Variants in AGBL4 observed in about 807,000 individuals in gnomAD.
AGBL4 encodes cytosolic carboxypeptidase 6.
Under a neutral mutation model 66.4 loss-of-function variants are expected in AGBL4, and 58 were observed. That is an observed-to-expected ratio of 0.87 (90% confidence interval 0.71 to 1.09). AGBL4 has a LOEUF of 1.09. AGBL4 is among the 50% of genes least tolerant of loss of function. The probability of loss-of-function intolerance (pLI) is 0.00; values close to 1 mark genes in which losing one functional copy is unlikely to be tolerated. For synonymous variants in AGBL4, 234 were observed against 222.9 expected, an observed-to-expected ratio of 1.05 and a Z score of -0.44; for missense variants, 579 against 631.0, an observed-to-expected ratio of 0.92 and a Z score of 0.88.
chr1:49,582,538 G>A (rs1287448170), intron 3 of AGBL4, among the ~76,000 whole-genome samples: 1 of 152,138 alleles, frequency 6.6e-6, no homozygotes, highest in Non-Finnish European at 1.5e-5. Flanking sequence ...AGTTCCTGGG[G>A]GTTGCCTGGT....
chr1:49,079,436 T>TGA (rs559170579), intron 4 of AGBL4, among the ~76,000 whole-genome samples: 41 of 152,120 alleles, frequency 2.7e-4, no homozygotes, highest in African/African-American at 9.4e-4. Flanking sequence ...TGGCAGCAGG[T>TGA]GAGAGAGAGA....
At chr1:49,355,945 C>A (rs551971144) in intron 3 of AGBL4, among the ~76,000 whole-genome samples, 7 of 152,140 alleles carry the variant, frequency 4.6e-5, no homozygotes, top group Non-Finnish European at 1.0e-4. Context: ...GAGAGACAAT[C>A]GTAGTGTGCA....
intron 11 of AGBL4, among the ~76,000 whole-genome samples, chr1:48,542,470 C>T (rs150828913): frequency 2.6e-5 from 4 of 152,164 alleles, no homozygotes; most frequent in African/African-American, 4.8e-5. Flanking sequence ...AGTATAAAAG[C>T]GTTCCTATTT....
chr1:48,557,065 C>A (rs1347983029), intron 11 of AGBL4, among the ~76,000 whole-genome samples: 1 of 152,156 alleles, frequency 6.6e-6, no homozygotes, highest in African/African-American at 2.4e-5. Context: ...GCTGGGATTA[C>A]AGGTGTTAGC....
intron 9 of AGBL4, among the ~76,000 whole-genome samples, chr1:48,625,882 C>T (rs1320757526): frequency 6.6e-6 from 1 of 151,898 alleles, no homozygotes; most frequent in African/African-American, 2.4e-5. Flanking sequence ...GTTAGAAAAA[C>T]CATGTCTTTT....
chr1:49,184,907 T>C (rs571747739), intron 4 of AGBL4, among the ~76,000 whole-genome samples: 47 of 152,188 alleles, frequency 3.1e-4, no homozygotes, highest in Non-Finnish European at 5.3e-4. Flanking sequence ...AAACATGGTG[T>C]TGGAGGCAAA....
Position 49,257,109 on chromosome 1 carries a change from C to CA in AGBL4, c.283-11246dup, listed in dbSNP as rs199515108. ...AAGATAGACATATTTGAGTATTTTA[C>CA]AAAAAAAAATACTATGCAAAACGAT... is the stretch of plus-strand genomic sequence containing the variant. On this transcript the variant is annotated intron_variant, in intron 3 of 13. Transcript: ENST00000371839. 5.2e-3 allele frequency among the ~76,000 whole-genome samples: 727 copies of CA among 140,198 alleles called. 27 individuals are homozygous for CA. In the East Asian group the frequency reaches 0.082, roughly 16 times the overall value. 92.0% of individuals were successfully genotyped at this position (140,198 alleles called of 152,430 possible).
At chr1:48,636,215 T>C (rs1054969135) in intron 8 of AGBL4, among the ~76,000 whole-genome samples, 2 of 152,132 alleles carry the variant, frequency 1.3e-5, no homozygotes, top group African/African-American at 2.4e-5. Context: ...TGGTCCTCAA[T>C]ATAGAAAGCA....
chr1:49,338,760 T>C (rs762082568), intron 3 of AGBL4, among the ~76,000 whole-genome samples: 3 of 152,024 alleles, frequency 2.0e-5, no homozygotes, highest in Admixed American at 6.6e-5. Context: ...GTCAGGTAAG[T>C]GTGTTCAGGA....
At chr1:48,601,949 TAAG>T (rs778146778) in intron 9 of AGBL4, among the ~76,000 whole-genome samples, 1 of 152,142 alleles carries the variant, frequency 6.6e-6, no homozygotes, top group African/African-American at 2.4e-5. Context: ...AGCTCTCAAC[TAAG>T]AAGAGGACTG....
At chr1:49,911,152 T>A (rs1650783919) in intron 1 of AGBL4, among the ~76,000 whole-genome samples, 1 of 152,154 alleles carries the variant, frequency 6.6e-6, no homozygotes, top group Admixed American at 6.5e-5. Context: ...TCTGGGCAGT[T>A]ATACAGGGGT....
chr1:48,891,262 G>A (rs967219887), intron 5 of AGBL4, among the ~76,000 whole-genome samples: 2 of 151,476 alleles, frequency 1.3e-5, no homozygotes, highest in Admixed American at 1.3e-4. Flanking sequence ...ACAGGAGTCA[G>A]TAAAGGTCTA....
chr1:48,891,453 T>A (rs1274004574), intron 5 of AGBL4, among the ~76,000 whole-genome samples: 1 of 152,168 alleles, frequency 6.6e-6, no homozygotes, highest in East Asian at 1.9e-4. Context: ...GCTGGAGTCA[T>A]AATGATAAAT....
intron 6 of AGBL4, among the ~76,000 whole-genome samples, chr1:48,677,506 G>A (rs909425692): frequency 5.9e-5 from 9 of 152,194 alleles, no homozygotes; most frequent in Admixed American, 2.0e-4. Flanking sequence ...TGTGCCAGGC[G>A]CCAGGGGGCG....
chr1:49,573,941 T>G (rs1055753225), intron 3 of AGBL4, among the ~76,000 whole-genome samples: 1 of 152,192 alleles, frequency 6.6e-6, no homozygotes, highest in Non-Finnish European at 1.5e-5. Flanking sequence ...CAACTCATGC[T>G]GCCATCAGCC....
At chr1:48,673,315 G>A (rs1646307346) in intron 6 of AGBL4, among the ~76,000 whole-genome samples, 1 of 152,054 alleles carries the variant, frequency 6.6e-6, no homozygotes, top group Non-Finnish European at 1.5e-5. Flanking sequence ...ATATATATGA[G>A]CACTCCAAGA....
At chr1:49,870,334 G>A (rs989347503) in intron 1 of AGBL4, among the ~76,000 whole-genome samples, 3 of 151,866 alleles carry the variant, frequency 2.0e-5, no homozygotes, top group Non-Finnish European at 2.9e-5. Flanking sequence ...GTGAACTTGT[G>A]GAGGACAATT....
intron 5 of AGBL4, among the ~76,000 whole-genome samples, chr1:49,033,735 T>C (rs1664414826): frequency 6.6e-6 from 1 of 152,114 alleles, no homozygotes; most frequent in South Asian, 2.1e-4. Flanking sequence ...TCTTCCTCCT[T>C]ATCCTGGCTC....
intron 9 of AGBL4, among the ~76,000 whole-genome samples, chr1:48,606,005 C>T (rs1569977531): frequency 6.6e-6 from 1 of 152,114 alleles, no homozygotes; most frequent in African/African-American, 2.4e-5. Flanking sequence ...TGAGGTGTTA[C>T]GTAAAACCCC....
Sources: allele counts gnomAD v4.1 joint callset (sites outside exome capture counted in the v4.1 genomes callset), GRCh38; gene constraint gnomAD v4.1.1; transcripts MANE v1.5; gene names NCBI Gene and HGNC (gene_info 2026-07-23, HGNC 2026-07-21).